Variants in SECISBP2L observed in about 807,000 individuals in gnomAD.
SECISBP2L encodes SECIS binding protein 2 like.
A neutral mutation model predicts 114.7 loss-of-function variants in SECISBP2L; 43 were observed. The observed-to-expected ratio is 0.38, with a 90% CI of 0.29 to 0.48. The LOEUF (loss-of-function observed/expected upper bound fraction) is 0.48, where lower values mean the gene tolerates loss of function less well. Ranked by LOEUF, SECISBP2L falls within the 20% of genes least tolerant of loss-of-function variation. The pLI is 0.98. For missense variants in SECISBP2L, 1,136 were observed against 1,301.1 expected, an observed-to-expected ratio of 0.87 and a Z score of 1.95; for synonymous variants, 451 against 439.7, an observed-to-expected ratio of 1.03 and a Z score of -0.32.
intron 1 of SECISBP2L, among the ~76,000 whole-genome samples, chr15:49,041,685 T>C (rs1903134623): frequency 6.6e-6 from 1 of 152,092 alleles, no homozygotes; most frequent in South Asian, 2.1e-4. Context: ...AGTTGGAACA[T>C]AACGAGACAC....
chr15:49,012,855 C>A (rs1242893326), intron 11 of SECISBP2L, 38 bp from the exon 12 acceptor site: 32 of 1,572,238 alleles, frequency 2.0e-5, no homozygotes, highest in Non-Finnish European at 2.5e-5. Context: ...ACCATTAGGG[C>A]CAATCCCACA....
intron 8 of SECISBP2L, 184 bp from the exon 9 acceptor site, chr15:49,017,812 A>T (rs1425581880): frequency 3.8e-5 from 18 of 471,986 alleles, no homozygotes; most frequent in Non-Finnish European, 6.6e-5. Flanking sequence ...TTAATTATTC[A>T]AGGATGGGGG....
At chr15:49,027,582 T>C (rs890204350) in intron 6 of SECISBP2L, 102 bp from the exon 7 acceptor site, 19 of 604,466 alleles carry the variant, frequency 3.1e-5, no homozygotes, top group Admixed American at 2.3e-4. Context: ...AGAAATGTAA[T>C]AGTGAAAATT....
intron 4 of SECISBP2L, among the ~76,000 whole-genome samples, chr15:49,029,409 C>T (rs1360533202): frequency 6.6e-6 from 1 of 152,160 alleles, no homozygotes; most frequent in Non-Finnish European, 1.5e-5. Context: ...ATATAATTTT[C>T]CAGTTTCTAA....
At position 48,995,693 on chromosome 15, in the gene SECISBP2L, T is replaced by C. The variant is rs539567611; in HGVS notation, c.2623+674A>G. ...GAGAACTCAAGAGCTCAAAGTATTA[T>C]AGAAATAAGGCAAAGAAACTACTGA... On this transcript the variant is annotated intron_variant, in intron 17 of 17. Coordinates refer to ENST00000559471, the MANE Select transcript of SECISBP2L (RefSeq NM_001193489.2). Among the ~76,000 whole-genome samples, 7 of 152,258 alleles carry C rather than the reference T, an allele frequency of 4.6e-5. No individual in the cohort carries two copies. In the South Asian group the frequency reaches 1.4e-3, roughly 32 times the overall value.
rs760647550 is a variant in SECISBP2L, at chr15:49,001,044, A to G, written c.2081T>C (p.Leu694Pro). The change falls in exon 15 of 18, where the codon CTC (leucine) becomes CCC (proline). Residue 694 changes from leucine to proline, a missense_variant. Physicochemically the swap from Leu to Pro is moderately conservative, Grantham distance 98. Coordinates refer to ENST00000559471, the MANE Select transcript of SECISBP2L (RefSeq NM_001193489.2). ...KEIDECVTLL[L>P]QELVSFQERI... is the part of the protein sequence containing the mutation. ...TTCCTGGAAACTGACAAGCTCTTGG[A>G]GAAGAAGAGTCACACATTCATCAAT... is the stretch of plus-strand genomic sequence containing the variant. The G allele has an allele frequency of 1.2e-6, 2 of 1,613,630 alleles. No homozygotes were observed. Among genetic ancestry groups the G allele is most frequent in the African/African-American group, 2.7e-5 (2 of 74,890 alleles).
rs777934477 is a variant in SECISBP2L at position 49,016,596 on chromosome 15, G to A, written c.1525C>T (p.Arg509Trp). ...AGAGGTCTGGTGTTAGTAATTTGCC[G>A]TGCTTTCATTGCTTGCTGTTGTTTT... ...LEKQQQAMKA[R>W]QITNTRPLSY... The change falls in exon 11 of 18, where the codon CGG (arginine) becomes TGG (tryptophan). Residue 509 changes from arginine to tryptophan, a missense_variant. Physicochemically the swap from Arg to Trp is moderately radical, Grantham distance 101. Around this residue, in one of 2 missense-constraint regions of SECISBP2L, gnomAD observed 684 missense variants for 848.7 expected, o/e 0.81. Transcript: ENST00000559471. 37 of 1,610,492 alleles carry A rather than the reference G, an allele frequency of 2.3e-5. No homozygotes were observed. The highest frequency in any genetic ancestry group is 2.7e-5 in the Non-Finnish European group (32 of 1,178,042).
Position 48,992,515 on chromosome 15 carries a change from T to G in SECISBP2L, c.3035A>C (p.Gln1012Pro), listed in dbSNP as rs1216170944. The G allele has an allele frequency of 6.2e-7, 1 of 1,614,140 alleles. No individual in the cohort carries two copies. The highest frequency in any genetic ancestry group is 1.3e-5 in the African/African-American group (1 of 74,958). ...YTHEPISVEV[Q>P]LNSRIESWVS... ...CCAAGACTCAATTCTACTATTGAGC[T>G]GCACTTCTACAGATATGGGTTCATG... The change falls in exon 18 of 18, where the codon CAG becomes CCG. Residue 1012 changes from glutamine (Q) to proline (P), a missense_variant. Gln to Pro is a moderately conservative substitution (Grantham distance 76). Coordinates refer to ENST00000559471, the MANE Select transcript of SECISBP2L (RefSeq NM_001193489.2).
intron 12 of SECISBP2L, among the ~76,000 whole-genome samples, chr15:49,012,138 A>C (rs1902449182): frequency 1.3e-5 from 2 of 152,350 alleles, no homozygotes; most frequent in South Asian, 4.1e-4. Flanking sequence ...GTTTCCAAAA[A>C]AAAAAAGGGT....
At chr15:49,015,002 CCATA>C (rs1902508838) in intron 11 of SECISBP2L, among the ~76,000 whole-genome samples, 1 of 151,886 alleles carries the variant, frequency 6.6e-6, no homozygotes, top group South Asian at 2.1e-4. Context: ...AATCTCGTCT[CCATA>C]ATAATATTAA....
At chr15:49,011,998 G>A (rs556206985) in intron 12 of SECISBP2L, 135 bp from the exon 13 acceptor site, 6 of 902,488 alleles carry the variant, frequency 6.6e-6, no homozygotes, top group African/African-American at 5.0e-5. Flanking sequence ...CTGGCAAAAA[G>A]GCAAATGTAA....
intron 1 of SECISBP2L, among the ~76,000 whole-genome samples, chr15:49,045,905 C>G (rs975382340): frequency 3.3e-5 from 5 of 152,170 alleles, no homozygotes; most frequent in Non-Finnish European, 5.9e-5. Context: ...AGCCTTCAAA[C>G]GCCTTTCCAC....
intron 1 of SECISBP2L, 125 bp from the exon 2 acceptor site, chr15:49,037,894 A>T (rs1249166342): frequency 1.4e-5 from 9 of 620,972 alleles, no homozygotes; most frequent in Non-Finnish European, 2.2e-5. Flanking sequence ...GCATTCATAA[A>T]ACATCCAAAA....
chr15:49,018,114 T>C (rs1183614558), intron 8 of SECISBP2L, among the ~76,000 whole-genome samples: 1 of 152,192 alleles, frequency 6.6e-6, no homozygotes, highest in Non-Finnish European at 1.5e-5. Context: ...TCTTTAAATA[T>C]AAGTATAGAA....
chr15:49,002,326 G>A (rs1902229930), intron 14 of SECISBP2L, among the ~76,000 whole-genome samples: 1 of 152,132 alleles, frequency 6.6e-6, no homozygotes, highest in Admixed American at 6.5e-5. Context: ...ATTTGTTTAA[G>A]TTCTTTGTAG....
At chr15:49,023,982 C>A (rs1224892692) in intron 7 of SECISBP2L, among the ~76,000 whole-genome samples, 1 of 152,034 alleles carries the variant, frequency 6.6e-6, no homozygotes, top group African/African-American at 2.4e-5. Context: ...ATCTCTTTTA[C>A]TTTTCAACCT....
At chr15:49,000,087 T>C (rs959646673) in intron 15 of SECISBP2L, 100 bp from the exon 16 acceptor site, 11 of 1,240,818 alleles carry the variant, frequency 8.9e-6, no homozygotes, top group Non-Finnish European at 1.3e-5. Flanking sequence ...CAAAGAATTC[T>C]ATGAACACTT....
At chr15:48,993,100 A>AGAGAGTGTGT (rs772299775) in intron 17 of SECISBP2L, among the ~76,000 whole-genome samples, 174 bp from the exon 18 acceptor site, 2,612 of 139,198 alleles carry the variant, frequency 0.019, 45 homozygotes, top group Middle Eastern at 0.053. Context: ...ACAGAGAGAG[A>AGAGAGTGTGT]GTGTGTGTGT....
chr15:49,019,952 T>A (rs1440371536), intron 7 of SECISBP2L, among the ~76,000 whole-genome samples: 4 of 151,950 alleles, frequency 2.6e-5, no homozygotes, highest in African/African-American at 9.7e-5. Context: ...CAGAGAACCA[T>A]GGAAGTGAAA....
Sources: gnomAD v4.1 joint callset for allele counts (sites outside exome capture counted in the v4.1 genomes callset) on GRCh38, gnomAD v4.1.1 for gene constraint, gnomAD v4.1.1 regional missense constraint, MANE v1.5 for transcripts, NCBI Gene and HGNC (gene_info 2026-07-23, HGNC 2026-07-21) for gene names.